DOCK3: variants seen among roughly 807,000 people sequenced by gnomAD.
The protein encoded by DOCK3 is dedicator of cytokinesis protein 3.
DOCK3 carries 60 observed loss-of-function variants against 265.6 expected under a neutral mutation model. The observed-to-expected ratio is 0.23, with a 90% CI of 0.18 to 0.28. The LOEUF is 0.28. Among genes scored for constraint, DOCK3 ranks in the 10% least tolerant of loss-of-function variants. The pLI, the probability that DOCK3 is intolerant of heterozygous loss-of-function variation, is 1.00. For missense variants in DOCK3, 1,981 were observed against 2,594.3 expected, an observed-to-expected ratio of 0.76 and a Z score of 5.14; for synonymous variants, 881 against 938.0, an observed-to-expected ratio of 0.94 and a Z score of 1.11.
intron 2 of DOCK3, among the ~76,000 whole-genome samples, chr3:50,829,402 C>G (rs1284955981): frequency 6.6e-6 from 1 of 152,106 alleles, no homozygotes; most frequent in Admixed American, 6.6e-5. Flanking sequence ...TCCTGTATGC[C>G]ATTTTGGGAA....
chr3:50,784,959 C>T (rs573832911), intron 2 of DOCK3, among the ~76,000 whole-genome samples: 3 of 152,282 alleles, frequency 2.0e-5, no homozygotes, highest in African/African-American at 7.2e-5. Context: ...GAGTTTGAGA[C>T]TAGCCTGGCT....
At chr3:51,101,920 C>T (rs2083105829) in intron 9 of DOCK3, among the ~76,000 whole-genome samples, 1 of 152,170 alleles carries the variant, frequency 6.6e-6, no homozygotes, top group Admixed American at 6.5e-5. Flanking sequence ...CAAAGTACCA[C>T]TAAAGCTTTT....
In DOCK3 at chr3:51,199,492, G is replaced by A. The variant is rs61281101; in HGVS notation, c.1038-9282G>A. ...GCGGCAGCGAGGCTGGGGGAGGGGCGCCCGCCATTGCCCAGGCTTGTGTAA... is the reference window on the plus strand; with the variant it reads ...GCGGCAGCGAGGCTGGGGGAGGGGCACCCGCCATTGCCCAGGCTTGTGTAA... On this transcript the variant is annotated intron_variant, in intron 12 of 52. Coordinates refer to ENST00000266037, the MANE Select transcript of DOCK3 (RefSeq NM_004947.5). Among the ~76,000 whole-genome samples, 553 of 152,306 alleles carry A rather than the reference G, an allele frequency of 3.6e-3. 6 individuals are homozygous for A. Among genetic ancestry groups the A allele is most frequent in the African/African-American group, 0.013 (525 of 41,582 alleles).
At chr3:51,237,118 G>A (rs933395653) in intron 20 of DOCK3, among the ~76,000 whole-genome samples, 27 of 152,130 alleles carry the variant, frequency 1.8e-4, no homozygotes, top group Non-Finnish European at 4.0e-4. Context: ...TGGCTCAGAG[G>A]ACAAGCTTTT....
chr3:50,950,915 C>T (rs1337104403), intron 5 of DOCK3, among the ~76,000 whole-genome samples: 4 of 152,070 alleles, frequency 2.6e-5, no homozygotes, highest in African/African-American at 9.7e-5. Context: ...ATTTTATCAA[C>T]AAATATTGGA....
intron 7 of DOCK3, among the ~76,000 whole-genome samples, chr3:51,085,648 A>G (rs1370520313): frequency 2.0e-5 from 3 of 152,218 alleles, no homozygotes; most frequent in African/African-American, 7.2e-5. Context: ...AACATATCCA[A>G]ATTCTGTGAG....
intron 21 of DOCK3, among the ~76,000 whole-genome samples, chr3:51,244,784 T>C (rs1392432747): frequency 6.6e-6 from 1 of 152,228 alleles, no homozygotes; most frequent in Non-Finnish European, 1.5e-5. Flanking sequence ...CTTTCAGTCT[T>C]TTACCATTAT....
intron 32 of DOCK3, among the ~76,000 whole-genome samples, 190 bp from the exon 33 acceptor site, chr3:51,329,948 G>A (rs749083105): frequency 9.2e-5 from 14 of 152,102 alleles, no homozygotes; most frequent in Admixed American, 1.3e-4. Context: ...AGGGTGGGAG[G>A]CCTTTTTGAT....
chr3:51,193,974 A>G (rs1011501798), intron 12 of DOCK3, among the ~76,000 whole-genome samples: 1 of 150,968 alleles, frequency 6.6e-6, no homozygotes, highest in Non-Finnish European at 1.5e-5. Context: ...TTGCTTTTTT[A>G]GTTCCTTGAG....
intron 3 of DOCK3, among the ~76,000 whole-genome samples, chr3:50,874,125 A>G (rs927301298): frequency 1.8e-5 from 2 of 111,050 alleles, no homozygotes; most frequent in African/African-American, 3.7e-5. Flanking sequence ...GGAGCTTTCT[A>G]TTTCAGCATC....
At chr3:51,179,874 T>C (rs538388989) in intron 12 of DOCK3, among the ~76,000 whole-genome samples, 1 of 152,080 alleles carries the variant, frequency 6.6e-6, no homozygotes, top group African/African-American at 2.4e-5. Flanking sequence ...ATTATGGCAC[T>C]GCACTCAGCT....
chr3:50,976,750 G>A (rs1399545476), intron 5 of DOCK3, among the ~76,000 whole-genome samples: 13 of 149,530 alleles, frequency 8.7e-5, no homozygotes, highest in Non-Finnish European at 1.5e-4. Flanking sequence ...GGGTGTTAAA[G>A]TCTCCCATTA....
chr3:51,117,871 G>C (rs531561150), intron 9 of DOCK3, among the ~76,000 whole-genome samples: 65 of 152,134 alleles, frequency 4.3e-4, no homozygotes, highest in African/African-American at 1.5e-3. Flanking sequence ...TATGAGTCTG[G>C]CTAGCAGTCT....
intron 5 of DOCK3, among the ~76,000 whole-genome samples, chr3:50,968,434 G>A (rs1209477856): frequency 2.6e-5 from 4 of 152,164 alleles, no homozygotes; most frequent in Non-Finnish European, 5.9e-5. Flanking sequence ...TGTCACCTGA[G>A]TAGTGTACAT....
At chr3:51,236,001 A>C (rs527598619) in intron 19 of DOCK3, among the ~76,000 whole-genome samples, 1 of 152,356 alleles carries the variant, frequency 6.6e-6, no homozygotes, top group Non-Finnish European at 1.5e-5. Context: ...ATTTGGCATC[A>C]GTATCACTTA....
chr3:50,782,300 T>TTTC (rs1295930504), intron 2 of DOCK3, among the ~76,000 whole-genome samples: 1 of 139,550 alleles, frequency 7.2e-6, no homozygotes, highest in Non-Finnish European at 1.5e-5. Flanking sequence ...TTTTTTTTTT[T>TTTC]TTTTTTTTGA....
At chr3:51,330,533 G>T (rs1033392042) in intron 33 of DOCK3, among the ~76,000 whole-genome samples, 6 of 152,196 alleles carry the variant, frequency 3.9e-5, no homozygotes, top group Non-Finnish European at 2.9e-5. Flanking sequence ...GGTTCATGGA[G>T]ACTCAGTTCT....
intron 4 of DOCK3, among the ~76,000 whole-genome samples, chr3:50,922,053 T>C (rs2050501598): frequency 6.6e-6 from 1 of 152,146 alleles, no homozygotes; most frequent in Non-Finnish European, 1.5e-5. Flanking sequence ...TCAAACTCTG[T>C]GCTGGGAGAA....
At chr3:51,211,672 C>T (rs1446606046) in intron 13 of DOCK3, among the ~76,000 whole-genome samples, 1 of 152,046 alleles carries the variant, frequency 6.6e-6, no homozygotes, top group Non-Finnish European at 1.5e-5. Flanking sequence ...CATCCATGTC[C>T]CTACAAAGGA....
Sources: gnomAD v4.1 joint callset for allele counts (sites outside exome capture counted in the v4.1 genomes callset) on GRCh38, gnomAD v4.1.1 for gene constraint, MANE v1.5 for transcripts, NCBI Gene and HGNC (gene_info 2026-07-23, HGNC 2026-07-21) for gene names.